Variants in H3C6 observed in about 807,000 individuals in gnomAD.
H3C6 encodes the protein histone H3.1.
H3C6 carries 17 observed loss-of-function variants against 8.0 expected under a neutral mutation model. That is an observed-to-expected ratio of 2.13 (90% confidence interval 1.46 to 3.19). The LOEUF is 3.19. Among genes scored for constraint, H3C6 ranks in the 30% most tolerant of loss-of-function variants. The probability of loss-of-function intolerance (pLI) is 0.00; values close to 1 mark genes in which losing one functional copy is unlikely to be tolerated. For synonymous variants in H3C6, 169 were observed against 78.0 expected (o/e 2.17, Z -6.15); for missense variants, 298 against 193.8 (o/e 1.54, Z -3.19).
At chr6:26,225,638 T>C (rs987319418), downstream of H3C6, 143 of 1,521,320 alleles carry the variant, frequency 9.4e-5, 1 homozygote, top group Middle Eastern at 1.8e-4. Context: ...AAAAGGGCTG[T>C]AATCCTTTGA....
upstream of H3C6, among the ~76,000 whole-genome samples, chr6:26,224,687 T>G (rs370429749): frequency 2.0e-5 from 3 of 152,216 alleles, no homozygotes; most frequent in Non-Finnish European, 2.9e-5. Flanking sequence ...CCTTGTACTC[T>G]ATAATGAAAC....
upstream of H3C6, chr6:26,224,779 A>G (rs897093552): frequency 1.3e-5 from 2 of 159,736 alleles, no homozygotes; most frequent in African/African-American, 4.8e-5. Context: ...AATGCAGAAA[A>G]AAGCAGCGGA....
At position 26,225,422 on chromosome 6, in the gene H3C6, G is replaced by A. The variant is rs1327989646; in HGVS notation, c.268G>A (p.Val90Met). 5.6e-6 allele frequency: 9 copies of A among 1,614,136 alleles called. No individual in the cohort carries two copies. The highest frequency in any genetic ancestry group is 2.7e-5 in the African/African-American group (2 of 74,952). ...CGACCTGCGCTTCCAGAGTTCCGCG[G>A]TGATGGCGCTGCAGGAGGCCTGCGA... ...KTDLRFQSSA[V>M]MALQEACEAY... Residue 90 changes from valine to methionine, a missense_variant, in exon 1 of 1, where the codon GTG (valine) becomes ATG (methionine). Transcript: ENST00000614911.
chr6:26,226,364 A>T (rs1373088696), downstream of H3C6: 1 of 7,846 alleles, frequency 1.3e-4, no homozygotes, highest in Non-Finnish European at 1.7e-4. Context: ...TTCTTTTCTT[A>T]TTTATTTATT....
In H3C6 at chr6:26,225,480, A is replaced by G. The variant is rs565158465; in HGVS notation, c.326A>G (p.Asn109Ser). 5 of 1,614,212 alleles carry G rather than the reference A, an allele frequency of 3.1e-6. No homozygotes were observed. Among genetic ancestry groups the G allele is most frequent in the African/African-American group, 2.7e-5 (2 of 75,064 alleles). ...TTGGTGGGGCTTTTCGAGGACACCA[A>G]CCTGTGCGCTATTCATGCCAAACGC... ...AYLVGLFEDT[N>S]LCAIHAKRVT... The change falls in exon 1 of 1, where the codon AAC becomes AGC. Residue 109 changes from asparagine to serine, a missense_variant. Transcript: ENST00000614911.
At chr6:26,224,862 C>T (rs1765592725), upstream of H3C6, 1 of 226,592 alleles carries the variant, frequency 4.4e-6, no homozygotes, top group Non-Finnish European at 8.5e-6. Context: ...AACAGGATAA[C>T]AGATCAGTCT....
chr6:26,225,530 C>T lies in H3C6; in HGVS notation c.376C>T (p.Gln126Ter). The change falls in exon 1 of 1, where the codon CAG becomes TAG. Residue 126 changes from glutamine (Q) to a stop codon, truncating the protein, a stop_gained. Transcript: ENST00000614911. LOFTEE classifies it high-confidence loss of function. ...CGTGACCATCATGCCTAAAGACATC[C>T]AGCTTGCCCGCCGCATTCGTGGGGA... ...KRVTIMPKDI[Q>*]LARRIRGERA 9 of 1,614,002 alleles carry T rather than the reference C, an allele frequency of 5.6e-6. No homozygotes were observed. The highest frequency in any genetic ancestry group is 7.6e-6 in the Non-Finnish European group (9 of 1,179,896).
upstream of H3C6, chr6:26,224,837 G>A (rs1561992509): frequency 5.5e-6 from 1 of 182,124 alleles, no homozygotes; most frequent in Non-Finnish European, 1.1e-5. Flanking sequence ...AAACACATTC[G>A]ATTTTTTATA....
chr6:26,225,253 G>A lies in H3C6; in HGVS notation c.99G>A (p.Thr33=), dbSNP rs748257929. The change falls in exon 1 of 1, where the codon ACG becomes ACA. Residue 33 remains threonine, a synonymous_variant. Coordinates refer to ENST00000614911, the MANE Select transcript of H3C6 (RefSeq NM_003532.3). ...CAGCTCGCAAGAGCGCTCCGGCCAC[G>A]GGCGGCGTGAAGAAGCCCCATCGCT... The part of the protein sequence containing the change: ...TKAARKSAPA[T]GGVKKPHRYR... 1.9e-6 allele frequency: 3 copies of A among 1,613,620 alleles called. No individual in the cohort carries two copies. Among genetic ancestry groups the A allele is most frequent in the East Asian group, 4.5e-5 (2 of 44,904 alleles).
upstream of H3C6, chr6:26,225,018 C>T (rs1340831281): frequency 2.2e-6 from 2 of 916,504 alleles, no homozygotes; most frequent in African/African-American, 1.7e-5. Flanking sequence ...ATAAACCAAT[C>T]GTGAATCTCT....
At chr6:26,225,848 A>G (rs927489312), downstream of H3C6, 75 of 318,384 alleles carry the variant, frequency 2.4e-4, no homozygotes, top group Non-Finnish European at 4.0e-4. Context: ...TTTCTTGTAC[A>G]TTGTTCTCGT....
rs149609255 is a variant in H3C6 at position 26,225,485 on chromosome 6, T to A, written c.331T>A (p.Cys111Ser). The A allele has an allele frequency of 1.4e-5, 22 of 1,614,132 alleles. No individual in the cohort carries two copies. Among genetic ancestry groups the A allele is most frequent in the Non-Finnish European group, 1.9e-5 (22 of 1,180,036 alleles). The change falls in exon 1 of 1, where the codon TGC becomes AGC. Residue 111 changes from cysteine (C) to serine (S), a missense_variant. Transcript: ENST00000614911. ...LVGLFEDTNL[C>S]AIHAKRVTIM... is the part of the protein sequence containing the mutation. ...GGGGCTTTTCGAGGACACCAACCTG[T>A]GCGCTATTCATGCCAAACGCGTGAC...
At chr6:26,226,356 C>G (rs1211851805), downstream of H3C6, 1 of 145,624 alleles carries the variant, frequency 6.9e-6, no homozygotes, top group Non-Finnish European at 1.5e-5. Context: ...TTGCTTTTTT[C>G]TTTTCTTATT....
At chr6:26,224,561 C>G (rs1765587901), upstream of H3C6, among the ~76,000 whole-genome samples, 2 of 152,112 alleles carry the variant, frequency 1.3e-5, no homozygotes, top group African/African-American at 4.8e-5. Context: ...TGAGTCAAAC[C>G]CGATATTACA....
At chr6:26,226,498 TCTC>T (rs1164326133), downstream of H3C6, 1 of 152,348 alleles carries the variant, frequency 6.6e-6, no homozygotes, top group African/African-American at 2.4e-5. Flanking sequence ...TTCAAGCGAT[TCTC>T]CTGCCTCAGC....
Position 26,225,530 on chromosome 6 carries a change from C to A in H3C6, c.376C>A (p.Gln126Lys). 1 of 1,614,002 alleles carries A rather than the reference C, an allele frequency of 6.2e-7. No individual in the cohort carries two copies. The highest frequency in any genetic ancestry group is 8.5e-7 in the Non-Finnish European group (1 of 1,179,896). The change falls in exon 1 of 1, where the codon CAG (glutamine) becomes AAG (lysine). Residue 126 changes from glutamine to lysine, a missense_variant. Physicochemically the swap from Gln to Lys is moderately conservative, Grantham distance 53 (BLOSUM62 1). Coordinates refer to ENST00000614911, the MANE Select transcript of H3C6 (RefSeq NM_003532.3). ...CGTGACCATCATGCCTAAAGACATCCAGCTTGCCCGCCGCATTCGTGGGGA... is the reference window on the plus strand; with the variant it reads ...CGTGACCATCATGCCTAAAGACATCAAGCTTGCCCGCCGCATTCGTGGGGA... Reference protein sequence around the residue: ...KRVTIMPKDIQLARRIRGERA With the variant: ...KRVTIMPKDIKLARRIRGERA
Position 26,225,450 on chromosome 6 carries a change from C to CCTA in H3C6, c.299_301dup (p.Tyr100dup). On this transcript the variant is annotated inframe_insertion, in exon 1 of 1. Transcript: ENST00000614911. ...ATGGCGCTGCAGGAGGCCTGCGAGG[C>CCTA]CTACTTGGTGGGGCTTTTCGAGGAC... 1 of 1,614,254 alleles carries CCTA rather than the reference C, an allele frequency of 6.2e-7. No homozygotes were observed. The highest frequency in any genetic ancestry group is 8.5e-7 in the Non-Finnish European group (1 of 1,180,048).
At position 26,225,478 on chromosome 6, in the gene H3C6, CA is replaced by C; in HGVS notation, c.326del (p.Asn109ThrfsTer10). The stretch of plus-strand genomic sequence containing the variant: ...ACTTGGTGGGGCTTTTCGAGGACAC[CA>C]ACCTGTGCGCTATTCATGCCAAACG... ...AYLVGLFEDT[N>X]LCAIHAKRVT... On this transcript the variant is annotated frameshift_variant, in exon 1 of 1. Coordinates refer to ENST00000614911, the MANE Select transcript of H3C6 (RefSeq NM_003532.3). LOFTEE classifies it high-confidence loss of function. 6.2e-7 allele frequency: 1 copy of C among 1,614,240 alleles called. No homozygotes were observed. Among genetic ancestry groups the C allele is most frequent in the Non-Finnish European group, 8.5e-7 (1 of 1,180,044 alleles).
In H3C6 at chr6:26,225,445, C is replaced by A; in HGVS notation, c.291C>A (p.Cys97Ter). The change falls in exon 1 of 1, where the codon TGC (cysteine) becomes TGA (stop). Residue 97 changes from cysteine to a stop codon, truncating the protein, a stop_gained. Transcript: ENST00000614911. LOFTEE classifies it high-confidence loss of function. Reference sequence around the variant, plus strand: ...CGGTGATGGCGCTGCAGGAGGCCTGCGAGGCCTACTTGGTGGGGCTTTTCG... The same window carrying A: ...CGGTGATGGCGCTGCAGGAGGCCTGAGAGGCCTACTTGGTGGGGCTTTTCG... The part of the protein sequence containing the change: ...SSAVMALQEA[C>*]EAYLVGLFED... 6.2e-7 allele frequency: 1 copy of A among 1,614,242 alleles called. No individual in the cohort carries two copies. The highest frequency in any genetic ancestry group is 8.5e-7 in the Non-Finnish European group (1 of 1,180,038).
Sources: allele counts gnomAD v4.1 joint callset (sites outside exome capture counted in the v4.1 genomes callset), GRCh38; gene constraint gnomAD v4.1.1; transcripts MANE v1.5; gene names NCBI Gene and HGNC (gene_info 2026-07-23, HGNC 2026-07-21).